Variants in SPMIP8 observed in about 807,000 individuals in gnomAD.
SPMIP8 encodes testicular tissue protein Li 196.
At chr16:57,986,034 C>T in the SPMIP8 span, 56 of 1,470,304 alleles carry the variant, frequency 3.8e-5, 1 homozygote, top group African/African-American at 7.5e-4. Context: ...TGAAACCCCC[C>T]TGCCCCAGCG....
the SPMIP8 span, chr16:57,987,375 C>T: frequency 6.4e-7 from 1 of 1,562,902 alleles, no homozygotes; most frequent in Non-Finnish European, 8.6e-7. Context: ...ACCCCCACCT[C>T]ACCCCTACTT....
the SPMIP8 span, among the ~76,000 whole-genome samples, chr16:57,983,534 T>C: frequency 6.6e-6 from 1 of 152,216 alleles, no homozygotes; most frequent in African/African-American, 2.4e-5. Flanking sequence ...ACTTTTTACA[T>C]TGGAATCTTT....
the SPMIP8 span, chr16:57,984,868 G>T: frequency 6.5e-7 from 1 of 1,528,360 alleles, no homozygotes. Flanking sequence ...GGCTGGAGCA[G>T]GGAACGTGGA....
chr16:57,979,393 C>T, the SPMIP8 span, among the ~76,000 whole-genome samples: 1 of 152,170 alleles, frequency 6.6e-6, no homozygotes, highest in Non-Finnish European at 1.5e-5. Context: ...GGCACCCACA[C>T]CTGCCCTATT....
At chr16:57,980,730 C>T in the SPMIP8 span, among the ~76,000 whole-genome samples, 4 of 152,122 alleles carry the variant, frequency 2.6e-5, no homozygotes, top group Non-Finnish European at 4.4e-5. Flanking sequence ...AGTTTCTCTC[C>T]ATCACCCAGG....
the SPMIP8 span, among the ~76,000 whole-genome samples, chr16:57,980,852 G>C: frequency 6.6e-6 from 1 of 152,022 alleles, no homozygotes; most frequent in African/African-American, 2.4e-5. Flanking sequence ...ACACCACTAT[G>C]CCAGGCTATT....
At chr16:57,981,954 G>T in the SPMIP8 span, among the ~76,000 whole-genome samples, 1 of 152,150 alleles carries the variant, frequency 6.6e-6, no homozygotes, top group Non-Finnish European at 1.5e-5. Flanking sequence ...TTAGCCAAGA[G>T]GGGGGTCCGC....
At chr16:57,981,138 TG>T in the SPMIP8 span, among the ~76,000 whole-genome samples, 1 of 151,988 alleles carries the variant, frequency 6.6e-6, no homozygotes, top group African/African-American at 2.4e-5. Flanking sequence ...TCTAGCACTT[TG>T]GGGGGCCAAG....
chr16:57,987,512 G>C, the SPMIP8 span: 2 of 1,459,216 alleles, frequency 1.4e-6, no homozygotes, highest in African/African-American at 2.9e-5. Flanking sequence ...GGTGGCACCA[G>C]CCATCTCCCC....
At chr16:57,984,509 T>C in the SPMIP8 span, 1 of 1,512,000 alleles carries the variant, frequency 6.6e-7, no homozygotes, top group Non-Finnish European at 9.0e-7. Flanking sequence ...GGTTCACGAC[T>C]TCGGGCGCCC....
chr16:57,987,881 C>G, the SPMIP8 span: 1 of 157,526 alleles, frequency 6.3e-6, no homozygotes, highest in South Asian at 2.0e-4. Context: ...TTTTTAGGTG[C>G]CTTTTTGAAG....
the SPMIP8 span, among the ~76,000 whole-genome samples, chr16:57,979,032 C>G: frequency 6.6e-6 from 1 of 152,184 alleles, no homozygotes; most frequent in Non-Finnish European, 1.5e-5. Context: ...AGAGAAAGAC[C>G]TCTCCTCACA....
chr16:57,980,995 G>A, the SPMIP8 span, among the ~76,000 whole-genome samples: 2 of 152,298 alleles, frequency 1.3e-5, no homozygotes, highest in Middle Eastern at 3.4e-3. Context: ...AATTACAGGC[G>A]TGAGCTACCA....
At chr16:57,982,976 G>A in the SPMIP8 span, among the ~76,000 whole-genome samples, 2 of 152,118 alleles carry the variant, frequency 1.3e-5, no homozygotes, top group African/African-American at 4.8e-5. Flanking sequence ...GTTGCAGTGA[G>A]CCGAGACCGC....
chr16:57,985,494 C>T, the SPMIP8 span: 2 of 1,613,654 alleles, frequency 1.2e-6, no homozygotes, highest in Non-Finnish European at 1.7e-6. Flanking sequence ...CTGCCTCAGC[C>T]AGAACCCCAG....
At chr16:57,984,413 C>G in the SPMIP8 span, 1 of 1,587,954 alleles carries the variant, frequency 6.3e-7, no homozygotes, top group East Asian at 2.3e-5. Context: ...GCACCAGCCC[C>G]AAGCACCTCT....
chr16:57,979,315 A>G, the SPMIP8 span, among the ~76,000 whole-genome samples: 449 of 152,238 alleles, frequency 2.9e-3, 5 homozygotes, highest in African/African-American at 0.01. Context: ...CATGGGCCCT[A>G]ATGGGAAACA....
the SPMIP8 span, among the ~76,000 whole-genome samples, chr16:57,981,246 T>C: frequency 1.3e-5 from 2 of 151,198 alleles, no homozygotes; most frequent in Non-Finnish European, 1.5e-5. Flanking sequence ...CCAGGTGTGG[T>C]AGTGTGTGCT....
At chr16:57,977,560 A>AGTGTGTGTGTGTGTGT in the SPMIP8 span, among the ~76,000 whole-genome samples, 84 of 132,706 alleles carry the variant, frequency 6.3e-4, no homozygotes, top group African/African-American at 1.1e-3. Flanking sequence ...GCACAATGTG[A>AGTGTGTGTGTGTGTGT]GTGTGTGTGT....
Sources: allele counts gnomAD v4.1 joint callset (sites outside exome capture counted in the v4.1 genomes callset), GRCh38; gene constraint gnomAD v4.1.1; transcripts MANE v1.5; gene names NCBI Gene and HGNC (gene_info 2026-07-23, HGNC 2026-07-21).